The following LUC7L variants were observed in gnomAD, a reference collection of about 807,000 sequenced individuals.
LUC7L encodes the protein putative RNA-binding protein Luc7-like 1.
A neutral mutation model predicts 51.1 loss-of-function variants in LUC7L; 29 were observed. That is an observed-to-expected ratio of 0.57 (90% CI 0.42 to 0.77). LUC7L has a LOEUF of 0.77. Ranked by LOEUF, LUC7L falls within the 30% of genes least tolerant of loss-of-function variation. LUC7L has a pLI of 0.00. For missense variants in LUC7L, 403 were observed against 511.9 expected (o/e 0.79, Z 2.05); for synonymous variants, 181 against 180.7 (o/e 1.00, Z -0.01).
rs1451470970 is a variant in LUC7L, at chr16:194,055, G to A, written c.688-1040C>T. On this transcript the variant is annotated intron_variant, in intron 6 of 9. Coordinates refer to ENST00000293872, the MANE Select transcript of LUC7L (RefSeq NM_201412.3). ...CCTGACCTCACGATCCGCCCGCCTCGGCCTCCCACAGTGCTGGGATTATAG... is the reference window on the plus strand; with the variant it reads ...CCTGACCTCACGATCCGCCCGCCTCAGCCTCCCACAGTGCTGGGATTATAG... Among the ~76,000 whole-genome samples the A allele has an allele frequency of 2.0e-5, 3 of 151,712 alleles. No homozygotes were observed. In the East Asian group the frequency reaches 5.8e-4, roughly 29 times the overall value.
In LUC7L at chr16:203,532, C is replaced by A. The variant is rs1157182184; in HGVS notation, c.510+2472G>T. 2.0e-5 allele frequency among the ~76,000 whole-genome samples: 3 copies of A among 152,084 alleles called. No individual in the cohort carries two copies. In the East Asian group the frequency reaches 5.8e-4, roughly 29 times the overall value. The stretch of plus-strand genomic sequence containing the variant: ...GACCAGCCTTGACAACATGGCGAAA[C>A]CCAGTCTCTCCAAAAAATACAAAAA... On this transcript the variant is annotated intron_variant, in intron 5 of 9. Coordinates refer to ENST00000293872, the MANE Select transcript of LUC7L (RefSeq NM_201412.3).
rs943002156 is a variant in LUC7L, at chr16:216,574, T to A, written c.255+4075A>T. Among the ~76,000 whole-genome samples, 4 of 151,442 alleles carry A rather than the reference T, an allele frequency of 2.6e-5. No homozygotes were observed. In the East Asian group the frequency reaches 7.8e-4, roughly 30 times the overall value. On this transcript the variant is annotated intron_variant, in intron 3 of 9. Coordinates refer to ENST00000293872, the MANE Select transcript of LUC7L (RefSeq NM_201412.3). ...ATTTTTGTATTTTCGGTAGACACGG[T>A]GTTGTACTATTTGGCCAGGCTGGTG...
rs67775388 is a variant in LUC7L at position 206,890 on chromosome 16, T to TAAA, written c.367-746_367-744dup. ...CTTGGGCAACAGACTCCATCTTTAT[T>TAAA]AAAAAAAAAAAAAAAAAAAAAAAAG... On this transcript the variant is annotated intron_variant, in intron 4 of 9. Transcript: ENST00000293872. Among the ~76,000 whole-genome samples the TAAA allele has an allele frequency of 8.9e-3, 884 of 99,520 alleles. 17 individuals are homozygous for TAAA. Among genetic ancestry groups the TAAA allele is most frequent in the Non-Finnish European group, 0.012 (645 of 51,990 alleles). 65.3% of individuals were successfully genotyped at this position (99,520 alleles called of 152,430 possible).
chr16:195,343 C>A (rs1159791705), intron 6 of LUC7L, among the ~76,000 whole-genome samples: 1 of 151,990 alleles, frequency 6.6e-6, no homozygotes, highest in Non-Finnish European at 1.5e-5. Context: ...CCACTTGAGT[C>A]CAGGAGTTCC....
At chr16:208,684 A>G (rs2049553169) in intron 3 of LUC7L, 1 of 948,206 alleles carries the variant, frequency 1.1e-6, no homozygotes, top group Non-Finnish European at 1.3e-6. Context: ...AAAACAATAG[A>G]ACAAATATTA....
intron 3 of LUC7L, among the ~76,000 whole-genome samples, chr16:213,069 G>A (rs1215343268): frequency 1.3e-5 from 2 of 152,050 alleles, no homozygotes; most frequent in Non-Finnish European, 2.9e-5. Context: ...CTGGCCATCT[G>A]TAACTTTTTC....
chr16:210,757 A>G (rs1387821598), intron 3 of LUC7L, among the ~76,000 whole-genome samples: 2 of 152,210 alleles, frequency 1.3e-5, no homozygotes, highest in Non-Finnish European at 1.5e-5. Flanking sequence ...TGATAACCTA[A>G]AAACTAAATG....
At chr16:208,479 G>A (rs1457167311) in intron 3 of LUC7L, 4 of 452,608 alleles carry the variant, frequency 8.8e-6, no homozygotes, top group Non-Finnish European at 9.7e-6. Flanking sequence ...GAAATTCTGA[G>A]GAAAATTAAA....
intron 3 of LUC7L, among the ~76,000 whole-genome samples, chr16:210,437 G>A (rs187583690): frequency 5.9e-5 from 9 of 152,312 alleles, no homozygotes; most frequent in Non-Finnish European, 1.3e-4. Flanking sequence ...GAAAGGTGAA[G>A]AGCTGGCTGG....
At chr16:207,590 C>CA (rs1215356482) in intron 4 of LUC7L, among the ~76,000 whole-genome samples, 3 of 152,144 alleles carry the variant, frequency 2.0e-5, no homozygotes, top group Non-Finnish European at 4.4e-5. Context: ...AATAAAAAGA[C>CA]AGAGGTAGCA....
At chr16:214,077 T>G (rs1023297688) in intron 3 of LUC7L, among the ~76,000 whole-genome samples, 1 of 151,072 alleles carries the variant, frequency 6.6e-6, no homozygotes, top group South Asian at 2.1e-4. Flanking sequence ...GAGCAATTGT[T>G]TTTTTTTTGA....
chr16:201,015 A>G lies in LUC7L; in HGVS notation c.511-1777T>C, dbSNP rs556675171. Among the ~76,000 whole-genome samples, 6 of 151,822 alleles carry G rather than the reference A, an allele frequency of 4.0e-5. No homozygotes were observed. The South Asian group carries it at 1.3e-3, about 32-fold the overall frequency. On this transcript the variant is annotated intron_variant, in intron 5 of 9. Transcript: ENST00000293872. ...AAACCCCGTCTCTATTAAAAATACA[A>G]AAAAATTAGCTGGGCACGGTGGCTG...
chr16:229,107 A>G (rs1271868716), intron 1 of LUC7L, 172 bp downstream of exon 1: 3 of 1,414,340 alleles, frequency 2.1e-6, no homozygotes, highest in Non-Finnish European at 2.7e-6. Context: ...GCCGCCTCAG[A>G]GACGCACCGG....
rs886163631 is a variant in LUC7L at position 227,194 on chromosome 16, C to T, written c.156+48G>A. The T allele has an allele frequency of 2.7e-6, 4 of 1,472,936 alleles. No individual in the cohort carries two copies. The East Asian group carries it at 6.9e-5, about 25-fold the overall frequency. 91.2% of individuals were successfully genotyped at this position (1,472,936 alleles called of 1,614,324 possible). On this transcript the variant is annotated intron_variant, in intron 2 of 9. Coordinates refer to ENST00000293872, the MANE Select transcript of LUC7L (RefSeq NM_201412.3). ...CATAGAAAAACCGTCACTGCCTATA[C>T]AGCACTCATGTCAGAGTGTTCCATG...
chr16:204,455 G>A (rs1035474055), intron 5 of LUC7L, among the ~76,000 whole-genome samples: 3 of 151,968 alleles, frequency 2.0e-5, no homozygotes, highest in East Asian at 3.9e-4. Context: ...TTAGCCGGGC[G>A]TGGTGGTGGG....
chr16:216,678 C>T (rs1200300797), intron 3 of LUC7L, among the ~76,000 whole-genome samples: 5 of 152,064 alleles, frequency 3.3e-5, no homozygotes, highest in Non-Finnish European at 7.4e-5. Context: ...CCTCGCCTGA[C>T]CTAATTATTT....
intron 7 of LUC7L, among the ~76,000 whole-genome samples, chr16:192,572 C>T (rs2049038437): frequency 6.8e-6 from 1 of 147,742 alleles, no homozygotes; most frequent in African/African-American, 2.5e-5. Flanking sequence ...GGCACGATCT[C>T]GGCTCACTGC....
chr16:226,824 A>G (rs2050144412), intron 2 of LUC7L, among the ~76,000 whole-genome samples: 1 of 152,248 alleles, frequency 6.6e-6, no homozygotes, highest in African/African-American at 2.4e-5. Context: ...ACAGAATTTT[A>G]CAACAGTGAA....
chr16:200,049 G>A (rs1024198629), intron 5 of LUC7L, among the ~76,000 whole-genome samples: 5 of 152,058 alleles, frequency 3.3e-5, no homozygotes, highest in East Asian at 1.9e-4. Flanking sequence ...CCAGCATTCC[G>A]AGGCCAAGGC....
Sources: allele counts gnomAD v4.1 joint callset (sites outside exome capture counted in the v4.1 genomes callset), GRCh38; gene constraint gnomAD v4.1.1; transcripts MANE v1.5; gene names NCBI Gene and HGNC (gene_info 2026-07-23, HGNC 2026-07-21).